ZCWPW1: variants seen among roughly 807,000 people sequenced by gnomAD.
The protein encoded by ZCWPW1 is zinc finger CW-type PWWP domain protein 1.
Under a neutral mutation model 81.3 loss-of-function variants are expected in ZCWPW1, and 56 were observed. That is an observed-to-expected ratio of 0.69 (90% CI 0.56 to 0.86). ZCWPW1 has a LOEUF of 0.86. Among genes scored for constraint, ZCWPW1 ranks in the 40% least tolerant of loss-of-function variants. ZCWPW1 has a pLI of 0.00. For missense variants in ZCWPW1, 650 were observed against 769.8 expected (o/e 0.84, Z 1.84); for synonymous variants, 250 against 273.7 (o/e 0.91, Z 0.86).
At chr7:100,421,568 C>T (rs1225561338) in intron 2 of ZCWPW1, among the ~76,000 whole-genome samples, 1 of 152,200 alleles carries the variant, frequency 6.6e-6, no homozygotes, top group African/African-American at 2.4e-5. Context: ...TAGAGGTTCC[C>T]AGAAAATTTA....
intron 4 of ZCWPW1, among the ~76,000 whole-genome samples, chr7:100,419,427 C>T (rs1795951280): frequency 6.6e-6 from 1 of 152,154 alleles, no homozygotes; most frequent in African/African-American, 2.4e-5. Context: ...TAACCCACCT[C>T]ATCCCATTAT....
intron 14 of ZCWPW1, 100 bp from the exon 15 acceptor site, chr7:100,403,885 T>C: frequency 1.6e-6 from 2 of 1,230,224 alleles, no homozygotes; most frequent in South Asian, 2.5e-5. Flanking sequence ...CTGTGCCTTT[T>C]GTGTACAAGT....
intron 8 of ZCWPW1, among the ~76,000 whole-genome samples, chr7:100,412,205 T>C (rs760261167): frequency 3.3e-5 from 5 of 152,240 alleles, no homozygotes; most frequent in Non-Finnish European, 2.9e-5. Context: ...CTCATTCCCA[T>C]GGCTTTGAAA....
intron 5 of ZCWPW1, 62 bp downstream of exon 5, chr7:100,419,049 C>G (rs1406083269): frequency 1.5e-6 from 2 of 1,363,312 alleles, no homozygotes; most frequent in Non-Finnish European, 2.1e-6. Context: ...AGACTTAACT[C>G]TCCCTCTCAG....
Position 100,409,663 on chromosome 7 carries a change from G to A in ZCWPW1, c.755-119C>T. The A allele has an allele frequency of 7.2e-6, 5 of 696,108 alleles. No individual in the cohort carries two copies. In the Admixed American group the frequency reaches 1.3e-4, roughly 18 times the overall value. 43.1% of individuals were successfully genotyped at this position (696,108 alleles called of 1,614,324 possible). On this transcript the variant is annotated intron_variant, in intron 8 of 17. Coordinates refer to ENST00000684423, the MANE Select transcript of ZCWPW1 (RefSeq NM_001386010.1). ...ATGACATAGCCAGAGAGACATTAGA[G>A]ATCAACCAGCCCGATCCCTGACTTA...
chr7:100,402,183 CT>C, intron 16 of ZCWPW1, 142 bp from the exon 17 acceptor site: 1 of 1,077,824 alleles, frequency 9.3e-7, no homozygotes, highest in African/African-American at 1.6e-5. Context: ...GCCTCTGGCT[CT>C]TTTTCAACAT....
chr7:100,409,044 C>T (rs997248438), intron 9 of ZCWPW1, among the ~76,000 whole-genome samples: 1 of 152,256 alleles, frequency 6.6e-6, no homozygotes, highest in Non-Finnish European at 1.5e-5. Flanking sequence ...AGATCATCAT[C>T]ATCTCTTCCA....
At chr7:100,423,148 G>T (rs73161763) in intron 2 of ZCWPW1, among the ~76,000 whole-genome samples, 4,296 of 152,132 alleles carry the variant, frequency 0.028, 83 homozygotes, top group Middle Eastern at 0.061. Flanking sequence ...TGCTAACAGA[G>T]GTTAAGTGGT....
At chr7:100,409,389 C>A in intron 9 of ZCWPW1, 39 bp downstream of exon 9, 2 of 1,477,200 alleles carry the variant, frequency 1.4e-6, no homozygotes, top group Non-Finnish European at 1.9e-6. Flanking sequence ...AAGGGAGGAA[C>A]AATAAAACAT....
At chr7:100,421,082 G>A (rs567192749) in intron 2 of ZCWPW1, among the ~76,000 whole-genome samples, 8 of 152,190 alleles carry the variant, frequency 5.3e-5, no homozygotes, top group East Asian at 1.9e-4. Flanking sequence ...CCCAGGAGGC[G>A]GAGGCTGCAG....
chr7:100,416,993 A>G, intron 6 of ZCWPW1, 73 bp downstream of exon 6: 1 of 1,101,484 alleles, frequency 9.1e-7, no homozygotes, highest in Non-Finnish European at 1.4e-6. Context: ...ATAGACAGAC[A>G]GATAGATAGA....
Position 100,401,930 on chromosome 7 carries a change from C to T in ZCWPW1, c.1586G>A (p.Gly529Glu), listed in dbSNP as rs749047709. Residue 529 changes from glycine to glutamate, a missense_variant, in exon 17 of 18, where the codon GGA becomes GAA. Gly to Glu is a moderately conservative substitution (Grantham distance 98). Transcript: ENST00000684423. ...TGAATTCCCTTGGCCTTCTTTCCTTCCCATTCTGGGTGCAGGAGGAGCTGT... is the reference window on the plus strand; with the variant it reads ...TGAATTCCCTTGGCCTTCTTTCCTTTCCATTCTGGGTGCAGGAGGAGCTGT... ...KSTAPPAPRM[G>E]RKEGQGNSDS... 4 of 1,614,144 alleles carry T rather than the reference C, an allele frequency of 2.5e-6. No individual in the cohort carries two copies. The Admixed American group carries it at 5.0e-5, about 20-fold the overall frequency.
At chr7:100,402,151 A>C in intron 16 of ZCWPW1, 110 bp from the exon 17 acceptor site, 1 of 1,399,774 alleles carries the variant, frequency 7.1e-7, no homozygotes, top group Non-Finnish European at 9.6e-7. Context: ...GCTCAGTTGC[A>C]ATCTAGTGAG....
At chr7:100,402,608 A>G in intron 15 of ZCWPW1, 32 bp from the exon 16 acceptor site, 2 of 1,604,486 alleles carry the variant, frequency 1.2e-6, no homozygotes, top group African/African-American at 2.7e-5. Context: ...TAAAAAAATG[A>G]TAAATCAAGG....
intron 16 of ZCWPW1, 121 bp from the exon 17 acceptor site, chr7:100,402,162 T>C (rs1792055593): frequency 7.6e-7 from 1 of 1,315,498 alleles, no homozygotes; most frequent in South Asian, 1.4e-5. Context: ...ATCTAGTGAG[T>C]TTTCCTGGTG....
At chr7:100,406,185 AC>A (rs2130461526) in intron 12 of ZCWPW1, among the ~76,000 whole-genome samples, 1 of 152,274 alleles carries the variant, frequency 6.6e-6, no homozygotes, top group South Asian at 2.1e-4. Context: ...ATGGTTCTCA[AC>A]CGGGTAGACT....
chr7:100,418,917 C>T, intron 5 of ZCWPW1, 194 bp downstream of exon 5: 1 of 392,576 alleles, frequency 2.5e-6, no homozygotes, highest in Non-Finnish European at 4.5e-6. Flanking sequence ...AAATATGTAC[C>T]CTTTATCTAA....
chr7:100,425,542 C>CA (rs1370457829), intron 1 of ZCWPW1, among the ~76,000 whole-genome samples: 1 of 152,168 alleles, frequency 6.6e-6, no homozygotes, highest in African/African-American at 2.4e-5. Context: ...GAGATGAAAT[C>CA]ACCTAACTCA....
Position 100,403,698 on chromosome 7 carries a change from T to C in ZCWPW1, c.1409A>G (p.Lys470Arg). ...TGAAATTAAAGCTAATCTTACTGTT[T>C]TCTCTCCTTCCTCCTTTTCCAACTC... is the stretch of plus-strand genomic sequence containing the variant. The part of the protein sequence containing the change: ...EEELEKEEGE[K>R]TDPILPIRKR... The change falls in exon 15 of 18, where the codon AAA (lysine) becomes AGA (arginine). Residue 470 changes from lysine to arginine, a missense_variant. Coordinates refer to ENST00000684423, the MANE Select transcript of ZCWPW1 (RefSeq NM_001386010.1). 6.2e-7 allele frequency: 1 copy of C among 1,611,340 alleles called. No individual in the cohort carries two copies. Among genetic ancestry groups the C allele is most frequent in the Non-Finnish European group, 8.5e-7 (1 of 1,178,550 alleles).
Sources: allele counts gnomAD v4.1 joint callset (sites outside exome capture counted in the v4.1 genomes callset), GRCh38; gene constraint gnomAD v4.1.1; transcripts MANE v1.5; gene names NCBI Gene and HGNC (gene_info 2026-07-23, HGNC 2026-07-21).